The following RBFOX2 variants were observed in gnomAD, a reference collection of about 807,000 sequenced individuals.
The protein encoded by RBFOX2 is RNA binding protein fox-1 homolog 2.
A neutral mutation model predicts 49.1 loss-of-function variants in RBFOX2; 10 were observed. The ratio of observed to expected loss-of-function variants is 0.20; its 90% CI spans 0.13 to 0.35. The LOEUF (loss-of-function observed/expected upper bound fraction) is 0.35, where lower values mean the gene tolerates loss of function less well. Ranked by LOEUF, RBFOX2 falls within the 10% of genes least tolerant of loss-of-function variation. RBFOX2 has a pLI of 1.00. For synonymous variants in RBFOX2, 183 were observed against 187.4 expected (o/e 0.98, Z 0.19); for missense variants, 323 against 486.9 (o/e 0.66, Z 3.17).
intron 1 of RBFOX2, among the ~76,000 whole-genome samples, chr22:35,880,561 T>A (rs1167198680): frequency 1.3e-5 from 2 of 152,188 alleles, no homozygotes; most frequent in Admixed American, 1.3e-4. Flanking sequence ...GCCCAACTTT[T>A]CTTTTCAAGC....
chr22:35,744,107 T>A, exon 12 of RBFOX2: 1 of 1,086,160 alleles, frequency 9.2e-7, no homozygotes, highest in South Asian at 2.4e-5. Context: ...TTGTTTTTCC[T>A]CTTCATCTTG....
At chr22:35,768,656 A>G (rs1029555670) in intron 4 of RBFOX2, among the ~76,000 whole-genome samples, 2 of 152,208 alleles carry the variant, frequency 1.3e-5, no homozygotes, top group Non-Finnish European at 2.9e-5. Flanking sequence ...TATTCAACCA[A>G]AAATCTGAAG....
intron 1 of RBFOX2, among the ~76,000 whole-genome samples, chr22:35,838,626 C>T (rs878881167): frequency 6.6e-6 from 1 of 152,170 alleles, no homozygotes; most frequent in Non-Finnish European, 1.5e-5. Context: ...CTTCAGCCTG[C>T]GCATTCGCTT....
intron 1 of RBFOX2, among the ~76,000 whole-genome samples, chr22:36,004,574 T>C (rs1005031539): frequency 6.6e-6 from 1 of 152,132 alleles, no homozygotes; most frequent in Non-Finnish European, 1.5e-5. Context: ...GGTGGGTAGA[T>C]CACCTGAGGT....
Position 35,875,607 on chromosome 22 carries a change from G to GGGGT in RBFOX2, c.-34+63239_-34+63240insACCC, listed in dbSNP as rs1171006043. ...CTGCGAATTAATAAATGCTCACAAG[G>GGGGT]GTGTGTGTGTGTGTGTGTGTGTGTG... On this transcript the variant is annotated intron_variant, in intron 1 of 13. Transcript: ENST00000359369. 6.5e-3 allele frequency among the ~76,000 whole-genome samples: 769 copies of GGGGT among 117,722 alleles called. 4 individuals carry two copies. The highest frequency in any genetic ancestry group is 0.014 in the South Asian group (44 of 3,150). The allele number at this position is 117,722 out of a possible 152,430, so 77.2% of individuals were successfully genotyped here.
chr22:35,935,745 C>T (rs2052984985), intron 1 of RBFOX2, among the ~76,000 whole-genome samples: 1 of 152,104 alleles, frequency 6.6e-6, no homozygotes, highest in Non-Finnish European at 1.5e-5. Context: ...CAATAATTCT[C>T]CAGTACAGAG....
chr22:35,808,986 G>A (rs368380592), intron 2 of RBFOX2, among the ~76,000 whole-genome samples: 31 of 151,876 alleles, frequency 2.0e-4, no homozygotes, highest in African/African-American at 7.0e-4. Flanking sequence ...AACCAAGTAC[G>A]GAGTTCAGAT....
At chr22:35,746,128 A>G in intron 10 of RBFOX2, 133 bp from the exon 13 acceptor site, 2 of 811,814 alleles carry the variant, frequency 2.5e-6, no homozygotes, top group Non-Finnish European at 4.0e-6. Flanking sequence ...ATTACAAGGA[A>G]TAGGAAAAAA....
rs191679862 is a variant in RBFOX2, at chr22:35,915,773, A to G, written c.-34+23074T>C. 8.5e-5 allele frequency among the ~76,000 whole-genome samples: 13 copies of G among 152,326 alleles called. No homozygotes were observed. The East Asian group carries it at 2.5e-3, about 29-fold the overall frequency. ...CGGCACCAGAAACGAGGAGTAAGCC[A>G]TACCCTCTCCCAGGCCCACCCTAAA... On this transcript the variant is annotated intron_variant, in intron 1 of 13. Transcript: ENST00000359369.
intron 1 of RBFOX2, among the ~76,000 whole-genome samples, chr22:36,014,789 T>A (rs563460124): frequency 3.9e-5 from 6 of 152,216 alleles, no homozygotes; most frequent in African/African-American, 9.7e-5. Flanking sequence ...GGTTATCTAT[T>A]AATCATAGCA....
At chr22:35,979,021 A>T (rs2057332250) in intron 1 of RBFOX2, among the ~76,000 whole-genome samples, 1 of 152,214 alleles carries the variant, frequency 6.6e-6, no homozygotes, top group East Asian at 1.9e-4. Context: ...AACCTGGCAG[A>T]CATCAGCTTA....
chr22:35,945,754 T>A (rs543008387), intron 1 of RBFOX2, among the ~76,000 whole-genome samples: 1 of 152,158 alleles, frequency 6.6e-6, no homozygotes, highest in Non-Finnish European at 1.5e-5. Flanking sequence ...GAGAAATTGC[T>A]AAGTGACCAC....
chr22:35,815,189 T>TA (rs1276359912), intron 1 of RBFOX2, among the ~76,000 whole-genome samples: 1 of 152,316 alleles, frequency 6.6e-6, no homozygotes, highest in Admixed American at 6.5e-5. Flanking sequence ...AGCATGAACC[T>TA]AAAAGTCAGA....
At chr22:35,898,403 A>T in intron 1 of RBFOX2, 1 of 473,012 alleles carries the variant, frequency 2.1e-6, no homozygotes, top group Non-Finnish European at 3.8e-6. Flanking sequence ...AGCGGCCGCC[A>T]TCTTCTCCCA....
At chr22:35,784,039 C>A (rs761188851) in intron 2 of RBFOX2, among the ~76,000 whole-genome samples, 2 of 152,154 alleles carry the variant, frequency 1.3e-5, no homozygotes, top group Non-Finnish European at 2.9e-5. Context: ...CAGTGACATG[C>A]GCTGAAGCGG....
intron 1 of RBFOX2, among the ~76,000 whole-genome samples, chr22:35,859,322 T>C (rs116414924): frequency 1.2e-4 from 19 of 152,262 alleles, no homozygotes; most frequent in African/African-American, 4.6e-4. Context: ...TGGAACAACT[T>C]TTCAAGTGCA....
chr22:35,933,926 T>TTTTATA (rs372778968), intron 1 of RBFOX2, among the ~76,000 whole-genome samples: 174 of 118,006 alleles, frequency 1.5e-3, no homozygotes, highest in Non-Finnish European at 2.1e-3. Flanking sequence ...TAATTAAATG[T>TTTTATA]TATATATATA....
At chr22:35,780,666 A>G (rs1944956960) in intron 3 of RBFOX2, among the ~76,000 whole-genome samples, 1 of 152,248 alleles carries the variant, frequency 6.6e-6, no homozygotes, top group Non-Finnish European at 1.5e-5. Flanking sequence ...ACACTGAGGT[A>G]CTGTTTTCAC....
chr22:35,918,539 G>A (rs556504511), intron 1 of RBFOX2, among the ~76,000 whole-genome samples: 8 of 152,224 alleles, frequency 5.3e-5, no homozygotes, highest in East Asian at 1.9e-4. Flanking sequence ...TTCACTGGAC[G>A]AATCATATAG....
Sources: allele counts gnomAD v4.1 joint callset (sites outside exome capture counted in the v4.1 genomes callset), GRCh38; gene constraint gnomAD v4.1.1; transcripts MANE v1.5; gene names NCBI Gene and HGNC (gene_info 2026-07-23, HGNC 2026-07-21).